Variants in CSMD1 observed in about 807,000 individuals in gnomAD.
CSMD1 encodes the protein CUB and Sushi multiple domains 1.
In CSMD1, 213 loss-of-function variants were observed where a neutral mutation model predicts 417.5. The ratio of observed to expected loss-of-function variants is 0.51; its 90% confidence interval spans 0.46 to 0.57. The LOEUF (loss-of-function observed/expected upper bound fraction) is 0.57, where lower values mean the gene tolerates loss of function less well. CSMD1 is among the 20% of genes least tolerant of loss of function. CSMD1 has a pLI of 0.00. For missense variants in CSMD1, 6,923 were observed against 4,529.7 expected (o/e 1.53, Z -15.17); for synonymous variants, 2,862 against 1,736.8 (o/e 1.65, Z -16.11).
At chr8:4,223,058 T>A (rs547806811) in intron 3 of CSMD1, among the ~76,000 whole-genome samples, 3 of 152,194 alleles carry the variant, frequency 2.0e-5, no homozygotes, top group East Asian at 1.9e-4. Context: ...ACATTGGACA[T>A]TGGAGAGCTG....
At position 3,078,196 on chromosome 8, in the gene CSMD1, TC is replaced by T. The variant is rs1224889109; in HGVS notation, c.7474+8900del. On this transcript the variant is annotated intron_variant, in intron 49 of 69. Transcript: ENST00000635120. ...TATTACTTTGCATATTTTGTACAGT[TC>T]CTTGTGCAGAAAGGTCAAGGTCTTC... 3.3e-5 allele frequency among the ~76,000 whole-genome samples: 5 copies of T among 152,368 alleles called. No individual in the cohort carries two copies. In the East Asian group the frequency reaches 9.6e-4, roughly 29 times the overall value.
chr8:4,027,190 T>C lies in CSMD1; in HGVS notation c.610+4715A>G, dbSNP rs571348338. ...TAGTTACGACGAGGTAAGAAGCATA[T>C]AGGAAGCCCTGTTGAAGGTTTGTAC... On this transcript the variant is annotated intron_variant, in intron 4 of 69. Coordinates refer to ENST00000635120, the MANE Select transcript of CSMD1 (RefSeq NM_033225.6). Among the ~76,000 whole-genome samples, 8 of 152,148 alleles carry C rather than the reference T, an allele frequency of 5.3e-5. 1 individual carries two copies. The highest frequency in any genetic ancestry group is 8.8e-5 in the Non-Finnish European group (6 of 68,018).
At chr8:2,989,001 C>A (rs534648838) in intron 54 of CSMD1, among the ~76,000 whole-genome samples, 1 of 152,176 alleles carries the variant, frequency 6.6e-6, no homozygotes, top group Non-Finnish European at 1.5e-5. Context: ...CAGGGTCACA[C>A]TCAATGAGTC....
intron 3 of CSMD1, among the ~76,000 whole-genome samples, chr8:4,306,520 T>C (rs1165315211): frequency 6.6e-6 from 1 of 152,238 alleles, no homozygotes; most frequent in Admixed American, 6.5e-5. Context: ...TGATATCCAC[T>C]GCTCATCTTG....
intron 1 of CSMD1, among the ~76,000 whole-genome samples, chr8:4,977,469 A>T (rs1329024070): frequency 6.6e-6 from 1 of 152,194 alleles, no homozygotes; most frequent in African/African-American, 2.4e-5. Flanking sequence ...ATTGGGAAAG[A>T]AGGTCTCATC....
chr8:4,692,473 T>C (rs1747231625), intron 1 of CSMD1, among the ~76,000 whole-genome samples: 1 of 152,016 alleles, frequency 6.6e-6, no homozygotes. Flanking sequence ...GTCGACCACA[T>C]GGGAGTTGAA....
intron 41 of CSMD1, among the ~76,000 whole-genome samples, chr8:3,126,621 G>A (rs1817527223): frequency 6.6e-6 from 1 of 152,098 alleles, no homozygotes; most frequent in African/African-American, 2.4e-5. Context: ...ATATCTATCG[G>A]CTATTCTAAA....
chr8:3,618,299 C>A (rs542079142), intron 7 of CSMD1, among the ~76,000 whole-genome samples: 1 of 152,134 alleles, frequency 6.6e-6, no homozygotes, highest in African/African-American at 2.4e-5. Context: ...GCAACCACAC[C>A]CAGTCAAAAT....
chr8:4,473,839 G>A (rs777673710), intron 2 of CSMD1, among the ~76,000 whole-genome samples: 5 of 152,070 alleles, frequency 3.3e-5, no homozygotes, highest in Non-Finnish European at 5.9e-5. Flanking sequence ...ATAGGAACAC[G>A]CAAATGATCG....
At chr8:3,898,039 C>A (rs750394518) in intron 5 of CSMD1, among the ~76,000 whole-genome samples, 1 of 152,146 alleles carries the variant, frequency 6.6e-6, no homozygotes, top group African/African-American at 2.4e-5. Context: ...GCTATTCTTA[C>A]CACCTAAATT....
intron 25 of CSMD1, among the ~76,000 whole-genome samples, chr8:3,304,591 C>T (rs73171138): frequency 6.6e-6 from 1 of 151,984 alleles, no homozygotes; most frequent in East Asian, 1.9e-4. Context: ...GAAGTTTATG[C>T]TTTAAATTTA....
At chr8:3,648,641 G>C (rs1797694831) in intron 7 of CSMD1, among the ~76,000 whole-genome samples, 2 of 152,166 alleles carry the variant, frequency 1.3e-5, no homozygotes, top group South Asian at 4.1e-4. Context: ...GAGCATAACA[G>C]GACAAACTGA....
At chr8:3,678,546 C>T (rs377218507) in intron 7 of CSMD1, among the ~76,000 whole-genome samples, 4 of 152,056 alleles carry the variant, frequency 2.6e-5, no homozygotes, top group Admixed American at 1.3e-4. Flanking sequence ...GTGAAAAGAC[C>T]AAATCTATGT....
rs777145121 is a variant in CSMD1, at chr8:3,162,246, G to C, written c.5757C>G (p.Ala1919=). ...TVGLAACQEP[A]LPSNSIKIGD... ...CGATTTTGATGCTGTTGCTGGGGAG[G>C]GCTGGTTCTTGGCATGCAGCAAGAC... The change falls in exon 38 of 70, where the codon GCC becomes GCG. Residue 1919 remains alanine (A), a synonymous_variant. Coordinates refer to ENST00000635120, the MANE Select transcript of CSMD1 (RefSeq NM_033225.6). 2.5e-6 allele frequency: 4 copies of C among 1,610,332 alleles called. No homozygotes were observed. Among genetic ancestry groups the C allele is most frequent in the South Asian group, 2.2e-5 (2 of 89,910 alleles).
intron 54 of CSMD1, among the ~76,000 whole-genome samples, chr8:2,995,227 G>A (rs1422850354): frequency 2.0e-5 from 3 of 152,108 alleles, no homozygotes; most frequent in Non-Finnish European, 4.4e-5. Context: ...ATTCCATTAG[G>A]ATGTGAGCAA....
intron 5 of CSMD1, among the ~76,000 whole-genome samples, chr8:3,945,695 T>C (rs2980783): frequency 0.035 from 5,297 of 152,208 alleles, 122 homozygotes; most frequent in Non-Finnish European, 0.052. Flanking sequence ...AGATAGCTCA[T>C]CGACATTTAA....
intron 5 of CSMD1, among the ~76,000 whole-genome samples, chr8:3,903,016 C>G (rs2688398): frequency 0.038 from 5,777 of 152,108 alleles, 360 homozygotes; most frequent in African/African-American, 0.13. Context: ...GATGAATGCA[C>G]GTTTCTGTGT....
intron 2 of CSMD1, among the ~76,000 whole-genome samples, chr8:4,595,781 T>C (rs1800244312): frequency 6.6e-6 from 1 of 152,174 alleles, no homozygotes; most frequent in African/African-American, 2.4e-5. Flanking sequence ...CATTTCTCCA[T>C]CACAGAACAT....
At chr8:4,669,959 G>T (rs1362390195) in intron 1 of CSMD1, among the ~76,000 whole-genome samples, 2 of 152,108 alleles carry the variant, frequency 1.3e-5, no homozygotes, top group Non-Finnish European at 2.9e-5. Flanking sequence ...TGTTTTATGA[G>T]GATTGGAGCT....
Sources: allele counts gnomAD v4.1 joint callset (sites outside exome capture counted in the v4.1 genomes callset), GRCh38; gene constraint gnomAD v4.1.1; transcripts MANE v1.5; gene names NCBI Gene and HGNC (gene_info 2026-07-23, HGNC 2026-07-21).